The following C12orf76 variants were observed in gnomAD, a reference collection of about 807,000 sequenced individuals.
The protein encoded by C12orf76 is uncharacterized protein C12orf76.
In C12orf76, 6 loss-of-function variants were observed where a neutral mutation model predicts 6.8. The observed-to-expected ratio is 0.88, with a 90% CI of 0.48 to 1.73. C12orf76 has a LOEUF of 1.73. Ranked by LOEUF, C12orf76 falls within the 40% of genes most tolerant of loss-of-function variation. C12orf76 has a pLI of 0.01. For synonymous variants in C12orf76, 56 were observed against 43.7 expected, an observed-to-expected ratio of 1.28 and a Z score of -1.11; for missense variants, 99 against 98.2, an observed-to-expected ratio of 1.01 and a Z score of -0.03.
chr12:110,047,617 G>A (rs947280323), intron 1 of C12orf76, among the ~76,000 whole-genome samples: 2 of 151,988 alleles, frequency 1.3e-5, no homozygotes, highest in Non-Finnish European at 2.9e-5. Flanking sequence ...CCAGGAGGCC[G>A]AGGCTGCAGT....
At chr12:110,053,810 G>A (rs969096178), upstream of C12orf76, among the ~76,000 whole-genome samples, 4 of 150,992 alleles carry the variant, frequency 2.6e-5, no homozygotes, top group Non-Finnish European at 4.4e-5. Context: ...TGGGCCAGGC[G>A]CGGTGGCTCA....
At chr12:110,068,321 A>G (rs868851984), upstream of C12orf76, among the ~76,000 whole-genome samples, 5 of 140,614 alleles carry the variant, frequency 3.6e-5, no homozygotes, top group Admixed American at 1.4e-4. Context: ...AAGAAGAAGA[A>G]GAAGAAGAAG....
chr12:110,072,293 A>G (rs1044423900), upstream of C12orf76, among the ~76,000 whole-genome samples: 1 of 152,062 alleles, frequency 6.6e-6, no homozygotes, highest in Admixed American at 6.6e-5. Context: ...AAGTATCAAC[A>G]TGTTACAACA....
At chr12:110,071,011 G>A (rs1435771547), upstream of C12orf76, among the ~76,000 whole-genome samples, 2 of 152,218 alleles carry the variant, frequency 1.3e-5, no homozygotes, top group Admixed American at 6.5e-5. Context: ...CTGACCTTAG[G>A]TGATTTGCCT....
upstream of C12orf76, among the ~76,000 whole-genome samples, chr12:110,068,321 A>AGAAGAG (rs1892915916): frequency 7.1e-6 from 1 of 140,614 alleles, no homozygotes; most frequent in Admixed American, 7.1e-5. Flanking sequence ...AAGAAGAAGA[A>AGAAGAG]GAAGAAGAAG....
upstream of C12orf76, among the ~76,000 whole-genome samples, chr12:110,068,096 C>G (rs945870440): frequency 6.6e-6 from 1 of 151,732 alleles, no homozygotes; most frequent in Non-Finnish European, 1.5e-5. Context: ...GCCAGCTACT[C>G]AGGAGGCTGA....
At chr12:110,053,140 C>G (rs1364565381), upstream of C12orf76, among the ~76,000 whole-genome samples, 4 of 148,888 alleles carry the variant, frequency 2.7e-5, no homozygotes, top group East Asian at 7.8e-4. Flanking sequence ...TGCAGTAAGC[C>G]AATATCGTGC....
chr12:110,068,304 GAAGAAGAAGAAGAAGAAGAAGAAGA>G (rs1892912025), upstream of C12orf76, among the ~76,000 whole-genome samples: 1 of 146,708 alleles, frequency 6.8e-6, no homozygotes, highest in African/African-American at 2.5e-5. Context: ...AGAAGAAGAA[GAAGAAGAAGAAGAAGAAGAAGAAGA>G]AGGCGGCCAA....
At chr12:110,048,342 G>T in intron 1 of C12orf76, 21 bp downstream of exon 1, 1 of 1,483,040 alleles carries the variant, frequency 6.7e-7, no homozygotes, top group Admixed American at 2.3e-5. Context: ...CCCGCCGCCC[G>T]CCAGCCCGAG....
At chr12:110,073,055 AC>A (rs1892979507) in intron 1 of C12orf76, among the ~76,000 whole-genome samples, 1 of 152,196 alleles carries the variant, frequency 6.6e-6, no homozygotes, top group Admixed American at 6.5e-5. Flanking sequence ...CTTCCCAAGC[AC>A]GGTGACTCAA....
chr12:110,053,869 A>G (rs1248361874), upstream of C12orf76, among the ~76,000 whole-genome samples: 1 of 152,114 alleles, frequency 6.6e-6, no homozygotes, highest in Non-Finnish European at 1.5e-5. Context: ...GAATTGCTTG[A>G]GCCCAGGAGT....
chr12:110,061,527 A>C (rs1361023589), intron 2 of C12orf76, among the ~76,000 whole-genome samples: 8 of 145,084 alleles, frequency 5.5e-5, no homozygotes, highest in Admixed American at 3.4e-4. Context: ...TATACTGCAC[A>C]CTGCATACTT....
At position 110,054,696 on chromosome 12, in the gene C12orf76, G is replaced by A. The variant is rs1403109442; in HGVS notation, n.664+2493C>T. On this transcript the variant is annotated intron_variant and non_coding_transcript_variant, in intron 4 of 4. Transcript: ENST00000309050. The surrounding 1 kb of genome is among the most constrained non-coding windows in gnomAD (Gnocchi z 4.4). ...TACAGTGGTTAATTTTGTGTTATAT[G>A]AACTTCACCCCAATAAAAAAGTAAA... is the stretch of plus-strand genomic sequence containing the variant. Among the ~76,000 whole-genome samples, 1 of 152,146 alleles carries A rather than the reference G, an allele frequency of 6.6e-6. No individual in the cohort carries two copies. The highest frequency in any genetic ancestry group is 2.4e-5 in the African/African-American group (1 of 41,432).
At position 110,065,947 on chromosome 12, in the gene C12orf76, T is replaced by C. The variant is rs970001767; in HGVS notation, n.293A>G. 2.3e-5 allele frequency: 37 copies of C among 1,613,878 alleles called. No homozygotes were observed. The African/African-American group carries it at 4.4e-4, about 19-fold the overall frequency. ...TGTTCTCTTGGTCCCGTGTATCACGTGGCTGGATTCTTCTCCTTCTATGGG... is the reference window on the plus strand; with the variant it reads ...TGTTCTCTTGGTCCCGTGTATCACGCGGCTGGATTCTTCTCCTTCTATGGG... On this transcript the variant is annotated non_coding_transcript_exon_variant, in exon 2 of 5. Coordinates refer to the C12orf76 transcript ENST00000309050.
chr12:110,047,801 A>G (rs1365172804), intron 1 of C12orf76, among the ~76,000 whole-genome samples: 1 of 152,192 alleles, frequency 6.6e-6, no homozygotes, highest in Non-Finnish European at 1.5e-5. Context: ...ATGCTCAAAA[A>G]CTGTTATCAT....
chr12:110,068,285 A>C (rs1388394151), upstream of C12orf76, among the ~76,000 whole-genome samples: 1 of 143,500 alleles, frequency 7.0e-6, no homozygotes, highest in African/African-American at 2.5e-5. Context: ...AAGAAGAAGA[A>C]GAAGAAGAAG....
intron 3 of C12orf76, among the ~76,000 whole-genome samples, chr12:110,058,333 A>G (rs1010722878): frequency 2.6e-5 from 4 of 152,188 alleles, no homozygotes; most frequent in Non-Finnish European, 5.9e-5. Context: ...AATCATTTTC[A>G]GTGGCTAAAG....
chr12:110,069,477 A>C (rs1472748053), upstream of C12orf76, among the ~76,000 whole-genome samples: 1 of 152,178 alleles, frequency 6.6e-6, no homozygotes, highest in African/African-American at 2.4e-5. Flanking sequence ...ATGGCTTATC[A>C]AAATTGCCTT....
At chr12:110,051,432 CATT>C (rs143360588), upstream of C12orf76, 5,323 of 603,074 alleles carry the variant, frequency 8.8e-3, 207 homozygotes, top group African/African-American at 0.088. Flanking sequence ...CCCCCAATCT[CATT>C]TTTTTTTTTT....
Sources: allele counts gnomAD v4.1 joint callset (sites outside exome capture counted in the v4.1 genomes callset), GRCh38; gene constraint gnomAD v4.1.1; non-coding constraint Gnocchi (gnomAD v3.1); transcripts MANE v1.5; gene names NCBI Gene and HGNC (gene_info 2026-07-23, HGNC 2026-07-21).